Variants in ROBO1 observed in about 807,000 individuals in gnomAD.
ROBO1 encodes roundabout guidance receptor 1.
ROBO1 carries 149 observed loss-of-function variants against 195.9 expected under a neutral mutation model. The ratio of observed to expected loss-of-function variants is 0.76; its 90% CI spans 0.67 to 0.87. The LOEUF is 0.87. Among genes scored for constraint, ROBO1 ranks in the 40% least tolerant of loss-of-function variants. ROBO1 has a pLI of 0.00. For synonymous variants in ROBO1, 816 were observed against 733.2 expected (o/e 1.11, Z -1.82); for missense variants, 1,933 against 2,068.3 (o/e 0.93, Z 1.27).
intron 3 of ROBO1, among the ~76,000 whole-genome samples, chr3:78,974,824 G>A (rs1336732146): frequency 6.6e-6 from 1 of 152,076 alleles, no homozygotes; most frequent in Non-Finnish European, 1.5e-5. Flanking sequence ...ATGGATAAAT[G>A]AAGACAAGCA....
intron 3 of ROBO1, among the ~76,000 whole-genome samples, chr3:78,982,634 C>CT (rs1343995096): frequency 5.9e-5 from 9 of 151,964 alleles, no homozygotes; most frequent in African/African-American, 1.7e-4. Flanking sequence ...TTACTTTTTT[C>CT]TTTTTTTTCT....
chr3:79,265,207 C>A (rs2083016720), intron 2 of ROBO1, among the ~76,000 whole-genome samples: 1 of 151,624 alleles, frequency 6.6e-6, no homozygotes, highest in South Asian at 2.1e-4. Flanking sequence ...ATAATTGTTT[C>A]TGTTAACTTT....
At chr3:79,648,023 G>A (rs1274824683) in intron 1 of ROBO1, among the ~76,000 whole-genome samples, 1 of 152,006 alleles carries the variant, frequency 6.6e-6, no homozygotes, top group Non-Finnish European at 1.5e-5. Context: ...TGGCCTAAAG[G>A]AAAATTGGTT....
intron 1 of ROBO1, among the ~76,000 whole-genome samples, chr3:79,633,082 A>G (rs1576152438): frequency 1.3e-5 from 2 of 152,224 alleles, no homozygotes; most frequent in South Asian, 2.1e-4. Context: ...AATTACACAC[A>G]CTAGAATAAT....
At chr3:78,836,039 C>T (rs1017344204) in intron 4 of ROBO1, among the ~76,000 whole-genome samples, 3 of 152,104 alleles carry the variant, frequency 2.0e-5, no homozygotes, top group African/African-American at 7.2e-5. Flanking sequence ...CATGATTGGA[C>T]AATGCTGCCT....
chr3:78,820,590 A>C (rs1389241157), intron 4 of ROBO1, among the ~76,000 whole-genome samples: 2 of 152,210 alleles, frequency 1.3e-5, no homozygotes, highest in Non-Finnish European at 2.9e-5. Context: ...TATTTAATCA[A>C]ATCATTCATT....
intron 2 of ROBO1, among the ~76,000 whole-genome samples, chr3:79,444,473 A>G (rs907429247): frequency 6.6e-6 from 1 of 152,164 alleles, no homozygotes; most frequent in African/African-American, 2.4e-5. Context: ...AGTGTTTGCA[A>G]GGATACTGAG....
chr3:78,789,400 A>G (rs1481225845), intron 4 of ROBO1, among the ~76,000 whole-genome samples: 2 of 152,184 alleles, frequency 1.3e-5, no homozygotes, highest in African/African-American at 4.8e-5. Context: ...AAGAATGAGG[A>G]CTTTTCCATA....
rs761825844 is a variant in ROBO1, at chr3:78,938,789, C to T, written c.311G>A (p.Gly104Glu). Residue 104 changes from glycine (G) to glutamate (E), a missense_variant, in exon 4 of 31, where the codon GGG becomes GAG. Physicochemically the swap from Gly to Glu is moderately conservative, Grantham distance 98 (BLOSUM62 -2). This residue lies in a region of ROBO1 where 185 missense variants were observed against 159.5 expected (regional missense o/e 1.16). Coordinates refer to ENST00000464233, the MANE Select transcript of ROBO1 (RefSeq NM_002941.4). The part of the protein sequence containing the change: ...RPTPTIEWYK[G>E]GERVETDKDD... The stretch of plus-strand genomic sequence containing the variant: ...TTTGTCTGTCTCCACTCTCTCTCCC[C>T]CTTTGTACCATTCAATAGTGGGTGT... The T allele has an allele frequency of 1.9e-6, 3 of 1,613,878 alleles. No individual in the cohort carries two copies. Among genetic ancestry groups the T allele is most frequent in the South Asian group, 1.1e-5 (1 of 91,082 alleles).
intron 2 of ROBO1, among the ~76,000 whole-genome samples, chr3:79,556,048 G>A: frequency 6.6e-6 from 1 of 152,040 alleles, no homozygotes. Context: ...GCAAGAGAAT[G>A]TATTATAAAT....
chr3:79,351,575 A>G (rs1399051364), intron 2 of ROBO1, among the ~76,000 whole-genome samples: 1 of 152,132 alleles, frequency 6.6e-6, no homozygotes, highest in African/African-American at 2.4e-5. Context: ...TATGTTCCTA[A>G]TTATTTTATG....
intron 4 of ROBO1, among the ~76,000 whole-genome samples, chr3:78,806,110 C>T (rs1055685677): frequency 2.6e-5 from 4 of 152,052 alleles, no homozygotes; most frequent in Non-Finnish European, 5.9e-5. Flanking sequence ...CAGGTGTGCA[C>T]TACCACATCC....
At chr3:78,777,829 T>C (rs970980722) in intron 4 of ROBO1, among the ~76,000 whole-genome samples, 2 of 152,212 alleles carry the variant, frequency 1.3e-5, no homozygotes, top group African/African-American at 4.8e-5. Flanking sequence ...CCTTTATTTC[T>C]TTCTCTTGCC....
At chr3:78,984,312 G>A (rs2077058711) in intron 3 of ROBO1, among the ~76,000 whole-genome samples, 1 of 152,092 alleles carries the variant, frequency 6.6e-6, no homozygotes, top group Non-Finnish European at 1.5e-5. Context: ...CTGAGCTTGT[G>A]TTATTTCATG....
At chr3:79,264,146 T>G (rs1017077601) in intron 2 of ROBO1, among the ~76,000 whole-genome samples, 23 of 152,050 alleles carry the variant, frequency 1.5e-4, no homozygotes, top group Admixed American at 5.9e-4. Context: ...ATGGCCTTAT[T>G]TGAACATACA....
chr3:79,103,616 C>G (rs1225100107), intron 3 of ROBO1, among the ~76,000 whole-genome samples: 1 of 151,668 alleles, frequency 6.6e-6, no homozygotes, highest in African/African-American at 2.4e-5. Context: ...CAGACTACAC[C>G]TTTATGATTT....
At chr3:79,050,527 T>A (rs562629887) in intron 3 of ROBO1, among the ~76,000 whole-genome samples, 4 of 152,238 alleles carry the variant, frequency 2.6e-5, no homozygotes, top group African/African-American at 9.6e-5. Flanking sequence ...GGACTTGAAC[T>A]CAGCTTTGGA....
chr3:79,201,714 A>G (rs2081767672), intron 2 of ROBO1, among the ~76,000 whole-genome samples: 1 of 151,896 alleles, frequency 6.6e-6, no homozygotes, highest in Non-Finnish European at 1.5e-5. Context: ...CCTCAACTGA[A>G]AAATCAAAAT....
At chr3:78,903,223 T>C (rs1215766986) in intron 4 of ROBO1, among the ~76,000 whole-genome samples, 2 of 152,272 alleles carry the variant, frequency 1.3e-5, no homozygotes, top group African/African-American at 2.4e-5. Flanking sequence ...TTTAATCCTT[T>C]TTTGCAACTT....
Sources: gnomAD v4.1 joint callset for allele counts (sites outside exome capture counted in the v4.1 genomes callset) on GRCh38, gnomAD v4.1.1 for gene constraint, gnomAD v4.1.1 regional missense constraint, MANE v1.5 for transcripts, NCBI Gene and HGNC (gene_info 2026-07-23, HGNC 2026-07-21) for gene names.